SUMF1: variants seen among roughly 807,000 people sequenced by gnomAD.
The protein encoded by SUMF1 is sulfatase modifying factor 1, also known as formylglycine-generating enzyme.
A neutral mutation model predicts 47.6 loss-of-function variants in SUMF1; 48 were observed. That is an observed-to-expected ratio of 1.01 (90% CI 0.80 to 1.28). The LOEUF (loss-of-function observed/expected upper bound fraction) is 1.28. Ranked by LOEUF, SUMF1 falls within the 50% of genes most tolerant of loss-of-function variation. The probability of loss-of-function intolerance (pLI) is 0.00; values close to 1 mark genes in which losing one functional copy is unlikely to be tolerated. For missense variants in SUMF1, 571 were observed against 485.4 expected (o/e 1.18, Z -1.66); for synonymous variants, 230 against 192.1 (o/e 1.20, Z -1.63).
At chr3:4,148,444 T>C (rs559362400) in intron 8 of SUMF1, among the ~76,000 whole-genome samples, 37 of 152,258 alleles carry the variant, frequency 2.4e-4, no homozygotes, top group African/African-American at 8.7e-4. Context: ...CAGAATCACC[T>C]AGAAAACTCC....
At chr3:4,068,284 C>T (rs1695426253) in intron 9 of SUMF1, among the ~76,000 whole-genome samples, 1 of 140,190 alleles carries the variant, frequency 7.1e-6, no homozygotes, top group Non-Finnish European at 1.6e-5. Context: ...AAGATGGCTT[C>T]ACCCCCAATC....
At chr3:4,061,707 G>C (rs2125027992) in intron 9 of SUMF1, among the ~76,000 whole-genome samples, 1 of 152,200 alleles carries the variant, frequency 6.6e-6, no homozygotes, top group Middle Eastern at 3.4e-3. Flanking sequence ...GAAACAGTTG[G>C]ACTGGGTACA....
At chr3:4,136,433 A>C (rs1444307018) in intron 8 of SUMF1, among the ~76,000 whole-genome samples, 1 of 152,120 alleles carries the variant, frequency 6.6e-6, no homozygotes, top group African/African-American at 2.4e-5. Context: ...GAAAGCTGAA[A>C]CTGGATCCCT....
At chr3:4,236,857 A>G (rs1696420836) in intron 8 of SUMF1, among the ~76,000 whole-genome samples, 2 of 152,086 alleles carry the variant, frequency 1.3e-5, no homozygotes, top group African/African-American at 2.4e-5. Context: ...ATCATACAGA[A>G]TGGTTTAAGC....
chr3:4,177,300 C>T (rs1694988232), intron 8 of SUMF1, among the ~76,000 whole-genome samples: 1 of 152,100 alleles, frequency 6.6e-6, no homozygotes, highest in East Asian at 1.9e-4. Context: ...TAAAGCACTC[C>T]TCAGCAAATG....
intron 8 of SUMF1, among the ~76,000 whole-genome samples, chr3:4,138,778 T>C (rs1333967938): frequency 1.3e-5 from 2 of 152,106 alleles, no homozygotes; most frequent in Non-Finnish European, 2.9e-5. Flanking sequence ...ATTGTAATTA[T>C]GGTTATAGCG....
chr3:4,128,052 G>C (rs1693696221), intron 8 of SUMF1, among the ~76,000 whole-genome samples: 2 of 152,086 alleles, frequency 1.3e-5, no homozygotes, highest in South Asian at 4.1e-4. Flanking sequence ...TTGCTCCTAA[G>C]TTCAGTGGAC....
In SUMF1 at chr3:4,130,485, G is replaced by C. The variant is rs1325490763; in HGVS notation, c.1015-61740C>G. On this transcript the variant is annotated intron_variant and NMD_transcript_variant, in intron 8 of 12. Transcript: ENST00000448413. ...TTTGCTTCTGCAAGATATCACAGTG[G>C]ACCATTACACTGATGACATTATGCT... Among the ~76,000 whole-genome samples the C allele has an allele frequency of 2.0e-5, 3 of 152,094 alleles. No individual in the cohort carries two copies. In the East Asian group the frequency reaches 5.8e-4, roughly 29 times the overall value.
intron 7 of SUMF1, among the ~76,000 whole-genome samples, chr3:4,387,078 T>C (rs1700699667): frequency 6.6e-6 from 1 of 151,996 alleles, no homozygotes; most frequent in African/African-American, 2.4e-5. Context: ...TTACTGCTTT[T>C]GGTTTGGGGA....
intron 8 of SUMF1, among the ~76,000 whole-genome samples, chr3:4,216,482 C>A (rs1208925722): frequency 6.6e-6 from 1 of 152,070 alleles, no homozygotes; most frequent in Non-Finnish European, 1.5e-5. Context: ...TAGGCATGGG[C>A]AAAGACTTCA....
In SUMF1 at chr3:4,430,316, T is replaced by G. The variant is rs1490349624; in HGVS notation, c.520-10170A>C. Reference sequence around the variant, plus strand: ...ATCTTATCAAGTGTATGGTAAGTCTTGAGTAACGGGACAGATAGTAGGCAC... The same window carrying G: ...ATCTTATCAAGTGTATGGTAAGTCTGGAGTAACGGGACAGATAGTAGGCAC... On this transcript the variant is annotated intron_variant, in intron 3 of 8. Transcript: ENST00000272902. 2.0e-5 allele frequency among the ~76,000 whole-genome samples: 3 copies of G among 152,190 alleles called. No homozygotes were observed. The East Asian group carries it at 5.8e-4, about 29-fold the overall frequency.
intron 8 of SUMF1, among the ~76,000 whole-genome samples, chr3:4,218,556 C>G (rs1369179357): frequency 1.3e-5 from 2 of 152,098 alleles, no homozygotes; most frequent in Non-Finnish European, 2.9e-5. Context: ...CACTCTAGAG[C>G]CACCTAAGGT....
At chr3:4,444,462 A>T (rs956242504) in intron 3 of SUMF1, among the ~76,000 whole-genome samples, 3 of 152,264 alleles carry the variant, frequency 2.0e-5, no homozygotes, top group African/African-American at 7.2e-5. Context: ...TTTCAATAAT[A>T]CAGAAATAGT....
rs942650875 is a variant in SUMF1, at chr3:4,109,621, T to C, written c.1015-40876A>G. On this transcript the variant is annotated intron_variant and NMD_transcript_variant, in intron 8 of 12. Coordinates refer to the SUMF1 transcript ENST00000448413. ...CCATATTTCTTGGAGGCTTTGTTCA[T>C]TTCTTTTTATTCTTTTTTCTCTAAA... is the stretch of plus-strand genomic sequence containing the variant. Among the ~76,000 whole-genome samples the C allele has an allele frequency of 4.6e-5, 7 of 152,098 alleles. 1 individual carries two copies. The South Asian group carries it at 1.2e-3, about 27-fold the overall frequency.
chr3:4,392,615 G>GTATATATA (rs58350223), intron 7 of SUMF1, among the ~76,000 whole-genome samples: 4 of 96,122 alleles, frequency 4.2e-5, no homozygotes, highest in African/African-American at 1.1e-4. Context: ...GTGTGTGTGT[G>GTATATATA]TATATATATA....
chr3:4,119,354 T>C (rs1231006994), intron 8 of SUMF1, among the ~76,000 whole-genome samples: 3 of 152,126 alleles, frequency 2.0e-5, no homozygotes, highest in Non-Finnish European at 4.4e-5. Context: ...AGGATAATTT[T>C]CTTTGCCTGT....
At chr3:4,318,915 C>CA (rs921792683) in intron 8 of SUMF1, among the ~76,000 whole-genome samples, 23 of 151,552 alleles carry the variant, frequency 1.5e-4, no homozygotes, top group Non-Finnish European at 2.5e-4. Context: ...CAAAAAAACA[C>CA]AAAAAAAGCC....
intron 8 of SUMF1, among the ~76,000 whole-genome samples, chr3:4,192,622 G>C (rs767992772): frequency 2.6e-5 from 4 of 152,086 alleles, no homozygotes; most frequent in Non-Finnish European, 5.9e-5. Flanking sequence ...TGAGATAGAA[G>C]TGTCTTTGTT....
At chr3:4,102,922 C>CTTT in intron 8 of SUMF1, among the ~76,000 whole-genome samples, 1 of 143,502 alleles carries the variant, frequency 7.0e-6, no homozygotes, top group Non-Finnish European at 1.5e-5. Flanking sequence ...ACAGAAACTT[C>CTTT]TTTTTTTTTT....
Sources: allele counts gnomAD v4.1 joint callset (sites outside exome capture counted in the v4.1 genomes callset), GRCh38; gene constraint gnomAD v4.1.1; transcripts MANE v1.5; gene names NCBI Gene and HGNC (gene_info 2026-07-23, HGNC 2026-07-21).